The following MTUS1 variants were observed in gnomAD, a reference collection of about 807,000 sequenced individuals.
MTUS1 encodes the protein microtubule-associated tumor suppressor 1.
Under a neutral mutation model 120.8 loss-of-function variants are expected in MTUS1, and 109 were observed. The observed-to-expected ratio is 0.90, with a 90% CI of 0.77 to 1.06. The LOEUF is 1.06. Ranked by LOEUF, MTUS1 falls within the 50% of genes least tolerant of loss-of-function variation. The pLI, the probability that MTUS1 is intolerant of heterozygous loss-of-function variation, is 0.00. For synonymous variants in MTUS1, 737 were observed against 550.5 expected (o/e 1.34, Z -4.74); for missense variants, 2,210 against 1,486.3 (o/e 1.49, Z -8.01).
intron 6 of MTUS1, chr8:17,697,329 T>G (rs1818176267): frequency 6.2e-7 from 1 of 1,614,036 alleles, no homozygotes; most frequent in Non-Finnish European, 8.5e-7. Context: ...CCTTTGGCCG[T>G]CAGTCGTATG....
chr8:17,716,835 T>G (rs1258027933), intron 4 of MTUS1, among the ~76,000 whole-genome samples: 1 of 152,242 alleles, frequency 6.6e-6, no homozygotes, highest in African/African-American at 2.4e-5. Context: ...ATTACAGGCG[T>G]GAGCCACCGC....
In MTUS1 at chr8:17,664,093, A is replaced by C. The variant is rs1052910096; in HGVS notation, c.2906-8028T>G. The stretch of plus-strand genomic sequence containing the variant: ...TCCTGGAAGACAGGCTTAGGGTTCC[A>C]TAACAGAAATATAACAGTTAAAAAG... On this transcript the variant is annotated intron_variant, in intron 8 of 14. Coordinates refer to ENST00000693296, the MANE Select transcript of MTUS1 (RefSeq NM_001363059.2). 3.3e-5 allele frequency: 5 copies of C among 152,328 alleles called. No individual in the cohort carries two copies. The East Asian group carries it at 9.7e-4, about 29-fold the overall frequency. 9.4% of individuals were successfully genotyped at this position (152,328 alleles called of 1,614,324 possible).
intron 8 of MTUS1, among the ~76,000 whole-genome samples, chr8:17,665,257 A>C (rs1043575274): frequency 6.6e-6 from 1 of 152,230 alleles, no homozygotes; most frequent in Non-Finnish European, 1.5e-5. Context: ...TTAAATCAAC[A>C]AATCACTAAG....
intron 3 of MTUS1, among the ~76,000 whole-genome samples, chr8:17,727,108 C>G (rs1179584910): frequency 6.6e-6 from 1 of 152,166 alleles, no homozygotes; most frequent in African/African-American, 2.4e-5. Flanking sequence ...AGGCCCATCC[C>G]CTACACCTAA....
chr8:17,651,807 A>G (rs1391182316), intron 12 of MTUS1: 2 of 152,202 alleles, frequency 1.3e-5, no homozygotes, highest in African/African-American at 2.4e-5. Flanking sequence ...CGGCTGCAGT[A>G]GAAGAATCCC....
At chr8:17,688,500 AG>A (rs1816303481) in intron 6 of MTUS1, among the ~76,000 whole-genome samples, 2 of 152,368 alleles carry the variant, frequency 1.3e-5, no homozygotes, top group South Asian at 2.1e-4. Flanking sequence ...GACAAAACAT[AG>A]GTTATGAACT....
At chr8:17,795,230 C>T (rs1166985084) in intron 1 of MTUS1, among the ~76,000 whole-genome samples, 3 of 152,146 alleles carry the variant, frequency 2.0e-5, no homozygotes, top group African/African-American at 7.2e-5. Context: ...GTATGTTACG[C>T]CTCTTCTTCC....
intron 14 of MTUS1, among the ~76,000 whole-genome samples, 179 bp downstream of exon 14, chr8:17,646,803 C>G (rs1333076118): frequency 6.6e-6 from 1 of 152,142 alleles, no homozygotes; most frequent in South Asian, 2.1e-4. Flanking sequence ...AGTTTTCAGG[C>G]CGCTTTGGTA....
chr8:17,767,436 G>GCCA (rs1284047425), intron 1 of MTUS1, among the ~76,000 whole-genome samples: 1 of 151,558 alleles, frequency 6.6e-6, no homozygotes, highest in Admixed American at 6.6e-5. Flanking sequence ...GTGGCTCATA[G>GCCA]CTGTAATCCC....
At chr8:17,682,103 G>C (rs1291390072) in intron 7 of MTUS1, among the ~76,000 whole-genome samples, 6 of 152,172 alleles carry the variant, frequency 3.9e-5, no homozygotes, top group African/African-American at 1.4e-4. Context: ...TGTAGATAAG[G>C]GAGAACCACT....
Position 17,755,562 on chromosome 8 carries a change from A to G in MTUS1, c.246T>C (p.His82=). 1 of 1,614,226 alleles carries G rather than the reference A, an allele frequency of 6.2e-7. No homozygotes were observed. The change falls in exon 2 of 15, where the codon CAT becomes CAC. Residue 82 remains histidine, a synonymous_variant. Coordinates refer to ENST00000693296, the MANE Select transcript of MTUS1 (RefSeq NM_001363059.2). ...TAATGAAATCACTAGAAGACTTTTC[A>G]TGACCAAATACTTCAACACCCTGAA... The part of the protein sequence containing the change: ...LSLQGVEVFG[H]EKSSSDFISK...
chr8:17,717,411 A>G (rs1044900592), intron 4 of MTUS1, among the ~76,000 whole-genome samples: 5 of 152,258 alleles, frequency 3.3e-5, no homozygotes, highest in African/African-American at 1.2e-4. Flanking sequence ...TTGGGTTTCA[A>G]TTAGCATTTT....
chr8:17,739,752 C>A (rs1220570614), intron 3 of MTUS1, among the ~76,000 whole-genome samples: 1 of 152,100 alleles, frequency 6.6e-6, no homozygotes, highest in Admixed American at 6.6e-5. Context: ...TAAAACTGAG[C>A]CTGGAACCCG....
At chr8:17,766,646 T>C (rs1412204287) in intron 1 of MTUS1, among the ~76,000 whole-genome samples, 3 of 152,214 alleles carry the variant, frequency 2.0e-5, no homozygotes, top group Admixed American at 1.3e-4. Flanking sequence ...TAAGAAAGTA[T>C]TGTCCTGGTT....
chr8:17,680,675 C>T (rs926829649), intron 7 of MTUS1, among the ~76,000 whole-genome samples: 4 of 152,016 alleles, frequency 2.6e-5, no homozygotes. Context: ...TTTCCTCTAG[C>T]GTTGGATCAA....
At chr8:17,683,207 G>C (rs150704936) in intron 7 of MTUS1, among the ~76,000 whole-genome samples, 1 of 152,176 alleles carries the variant, frequency 6.6e-6, no homozygotes, top group Non-Finnish European at 1.5e-5. Context: ...GGGAGATAGA[G>C]CTTGTAGTGA....
rs187103704 is a variant in MTUS1, at chr8:17,713,220, T to G, written c.2617A>C (p.Asn873His). 2.3e-4 allele frequency: 362 copies of G among 1,598,180 alleles called. 1 individual carries two copies. The East Asian group carries it at 6.5e-3, about 29-fold the overall frequency. The change falls in exon 6 of 15, where the codon AAT becomes CAT. Residue 873 changes from asparagine (N) to histidine (H), a missense_variant. By Grantham distance (68) the Asn-to-His change is moderately conservative. Coordinates refer to ENST00000693296, the MANE Select transcript of MTUS1 (RefSeq NM_001363059.2). ...PSRKNLFTALNAVEKSRQKNP... is the reference protein window; with the variant it reads ...PSRKNLFTALHAVEKSRQKNP... ...CCATAAAGTGGTCACTCACCTGCAT[T>G]AAGAGCTGTAAATAAATTTTTTCTC...
intron 1 of MTUS1, among the ~76,000 whole-genome samples, chr8:17,762,414 G>A (rs1212416997): frequency 2.0e-5 from 3 of 152,142 alleles, no homozygotes; most frequent in African/African-American, 4.8e-5. Context: ...TCTACTCTAA[G>A]CCTCAACTTC....
intron 1 of MTUS1, among the ~76,000 whole-genome samples, chr8:17,798,371 TGCC>T (rs2052415835): frequency 6.6e-6 from 1 of 152,154 alleles, no homozygotes; most frequent in Non-Finnish European, 1.5e-5. Context: ...TTTGCCCTGT[TGCC>T]CAGGCTGGAG....
Sources: gnomAD v4.1 joint callset for allele counts (sites outside exome capture counted in the v4.1 genomes callset) on GRCh38, gnomAD v4.1.1 for gene constraint, MANE v1.5 for transcripts, NCBI Gene and HGNC (gene_info 2026-07-23, HGNC 2026-07-21) for gene names.